The following CERS3 variants were observed in gnomAD, a reference collection of about 807,000 sequenced individuals.
CERS3 encodes LAG1 homolog, ceramide synthase 3.
A neutral mutation model predicts 50.3 loss-of-function variants in CERS3; 33 were observed. The ratio of observed to expected loss-of-function variants is 0.66; its 90% CI spans 0.50 to 0.88. The LOEUF (loss-of-function observed/expected upper bound fraction) is 0.88, where lower values mean the gene tolerates loss of function less well. Ranked by LOEUF, CERS3 falls within the 40% of genes least tolerant of loss-of-function variation. The pLI is 0.00. For missense variants in CERS3, 470 were observed against 460.3 expected (o/e 1.02, Z -0.19); for synonymous variants, 176 against 155.2 (o/e 1.13, Z -0.99).
At chr15:100,515,599 C>T (rs1176133209) in intron 2 of CERS3, among the ~76,000 whole-genome samples, 2 of 151,942 alleles carry the variant, frequency 1.3e-5, no homozygotes, top group South Asian at 4.1e-4. Context: ...ACAGGTATGA[C>T]TGAAGTCAGA....
At chr15:100,542,279 T>A (rs1170373917) in intron 1 of CERS3, among the ~76,000 whole-genome samples, 2 of 152,202 alleles carry the variant, frequency 1.3e-5, no homozygotes, top group Admixed American at 1.3e-4. Flanking sequence ...AAAAGAAAAC[T>A]CTTGGACTGT....
intron 11 of CERS3, among the ~76,000 whole-genome samples, chr15:100,443,879 A>T (rs2033815993): frequency 6.6e-6 from 1 of 152,156 alleles, no homozygotes; most frequent in Admixed American, 6.5e-5. Flanking sequence ...ATCCTAAAAA[A>T]ACCATTCTAT....
chr15:100,450,814 G>C (rs1034505160), intron 11 of CERS3, among the ~76,000 whole-genome samples: 1 of 152,006 alleles, frequency 6.6e-6, no homozygotes, highest in African/African-American at 2.4e-5. Context: ...ACAGAAATGT[G>C]TCTAGTCACC....
At chr15:100,499,558 A>T (rs967190166) in intron 3 of CERS3, among the ~76,000 whole-genome samples, 4 of 152,216 alleles carry the variant, frequency 2.6e-5, no homozygotes, top group African/African-American at 9.6e-5. Context: ...CTTGGCTAGT[A>T]CTAAAGGACA....
chr15:100,516,115 C>T (rs1026640590), intron 2 of CERS3, among the ~76,000 whole-genome samples: 10 of 152,162 alleles, frequency 6.6e-5, no homozygotes, highest in African/African-American at 1.2e-4. Flanking sequence ...TTAGTGTCTG[C>T]AAAGACCTCC....
intron 11 of CERS3, among the ~76,000 whole-genome samples, chr15:100,427,256 G>A (rs535666845): frequency 1.5e-4 from 23 of 152,272 alleles, no homozygotes; most frequent in Non-Finnish European, 2.9e-4. Context: ...TCCCTGTCTC[G>A]GAGGAGCGAA....
At chr15:100,419,740 C>A (rs1248835589) in intron 11 of CERS3, among the ~76,000 whole-genome samples, 1 of 150,948 alleles carries the variant, frequency 6.6e-6, no homozygotes, top group Non-Finnish European at 1.5e-5. Context: ...ATCTCTCAGA[C>A]CACAGTGCAA....
chr15:100,413,174 C>T (rs1567592401), intron 11 of CERS3, among the ~76,000 whole-genome samples: 1 of 152,114 alleles, frequency 6.6e-6, no homozygotes. Context: ...CTCCAAATTG[C>T]CATATTTTAC....
chr15:100,475,335 T>C (rs1203868805), intron 8 of CERS3, among the ~76,000 whole-genome samples: 1 of 152,230 alleles, frequency 6.6e-6, no homozygotes, highest in Non-Finnish European at 1.5e-5. Flanking sequence ...CAAGCTAAAC[T>C]GGTTTATCTA....
chr15:100,444,182 C>T (rs558501057), intron 11 of CERS3, among the ~76,000 whole-genome samples: 1 of 152,292 alleles, frequency 6.6e-6, no homozygotes, highest in Admixed American at 6.5e-5. Flanking sequence ...CTTTTAGAAG[C>T]CCTTAAAATC....
chr15:100,518,130 C>T (rs568384673), intron 2 of CERS3, among the ~76,000 whole-genome samples: 1 of 152,188 alleles, frequency 6.6e-6, no homozygotes, highest in Non-Finnish European at 1.5e-5. Context: ...AAAGGCTAGT[C>T]TTTTCTGTCT....
At chr15:100,411,352 G>C (rs1397849770) in intron 11 of CERS3, among the ~76,000 whole-genome samples, 2 of 151,996 alleles carry the variant, frequency 1.3e-5, no homozygotes, top group Non-Finnish European at 2.9e-5. Flanking sequence ...AGTAGAGACG[G>C]GGTTTCACCA....
rs552953211 is a variant in CERS3, at chr15:100,440,866, T to C, written c.999+15027A>G. ...AATTTCTCCCTTCTCTTAATTTCAA[T>C]TCCTTTCATTTTCTGGTAGAGACAA... On this transcript the variant is annotated intron_variant, in intron 11 of 11. Transcript: ENST00000679737. 2.6e-5 allele frequency among the ~76,000 whole-genome samples: 4 copies of C among 152,346 alleles called. No individual in the cohort carries two copies. The East Asian group carries it at 5.8e-4, about 22-fold the overall frequency.
At position 100,501,732 on chromosome 15, in the gene CERS3, A is replaced by G. The variant is rs2142329812; in HGVS notation, c.118T>C (p.Tyr40His). ...AGAAAAGCATATGGAATTGTCACGTATAAATGAGAAGGTTTTACAAAGACG... is the reference window on the plus strand; with the variant it reads ...AGAAAAGCATATGGAATTGTCACGTGTAAATGAGAAGGTTTTACAAAGACG... ...GLVFVKPSHLYVTIPYAFLLL... is the reference protein window; with the variant it reads ...GLVFVKPSHLHVTIPYAFLLL... The change falls in exon 3 of 12, where the codon TAC becomes CAC. Residue 40 changes from tyrosine to histidine, a missense_variant. Tyr to His is a moderately conservative substitution (Grantham distance 83, BLOSUM62 2). Transcript: ENST00000679737. The G allele has an allele frequency of 2.5e-6, 4 of 1,614,080 alleles. No individual in the cohort carries two copies. Among genetic ancestry groups the G allele is most frequent in the East Asian group, 2.2e-5 (1 of 44,874 alleles).
chr15:100,443,341 T>C lies in CERS3; in HGVS notation c.999+12552A>G, dbSNP rs896794641. ...CTGTTATCACTCTCCTGCTACAGCA[T>C]GGCCTTTTAAAGCCTATAAACTCTC... On this transcript the variant is annotated intron_variant, in intron 11 of 11. Transcript: ENST00000679737. Among the ~76,000 whole-genome samples the C allele has an allele frequency of 6.6e-5, 10 of 151,040 alleles. No homozygotes were observed. The South Asian group carries it at 1.3e-3, about 19-fold the overall frequency.
Position 100,455,912 on chromosome 15 carries a change from T to C in CERS3, c.980A>G (p.Asn327Ser). The C allele has an allele frequency of 6.2e-7, 1 of 1,611,494 alleles. No individual in the cohort carries two copies. Among genetic ancestry groups the C allele is most frequent in the Non-Finnish European group, 8.5e-7 (1 of 1,178,722 alleles). The change falls in exon 11 of 12, where the codon AAC becomes AGC. Residue 327 changes from asparagine (N) to serine (S), a missense_variant. By Grantham distance (46) the Asn-to-Ser change is conservative (BLOSUM62 1). Coordinates refer to ENST00000679737, the MANE Select transcript of CERS3 (RefSeq NM_001378789.1). Reference sequence around the variant, plus strand: ...CCTTACCTTCATGAATATACATCTGTTGAGCATCTTCAAGATGTAATAACC... The same window carrying C: ...CCTTACCTTCATGAATATACATCTGCTGAGCATCTTCAAGATGTAATAACC... ...YWGYYILKML[N>S]RCIFMKSIQD...
chr15:100,533,607 C>T (rs1459031883), upstream of CERS3, among the ~76,000 whole-genome samples: 9 of 132,930 alleles, frequency 6.8e-5, no homozygotes, highest in Admixed American at 7.1e-4. Context: ...ACCCAGGCTG[C>T]AGTGCAGTGG....
rs2036011747 is a variant in CERS3, at chr15:100,501,834, T to C, written c.16A>G (p.Lys6Glu). Residue 6 changes from lysine to glutamate, a missense_variant, in exon 3 of 12, where the codon AAA becomes GAA. Coordinates refer to ENST00000679737, the MANE Select transcript of CERS3 (RefSeq NM_001378789.1). MFWTF[K>E]EWFWLERFWL... ...AATCTTTCCAACCAGAACCATTCTT[T>C]AAACGTCCAAAACATTCTAGAGAAA... 1.9e-6 allele frequency: 3 copies of C among 1,613,860 alleles called. No individual in the cohort carries two copies. The highest frequency in any genetic ancestry group is 2.5e-6 in the Non-Finnish European group (3 of 1,179,946).
chr15:100,500,648 G>T (rs1567665310), intron 3 of CERS3: 1 of 152,206 alleles, frequency 6.6e-6, no homozygotes, highest in East Asian at 1.9e-4. Context: ...GTAAAAAGTA[G>T]AATTAACTGT....
Sources: gnomAD v4.1 joint callset for allele counts (sites outside exome capture counted in the v4.1 genomes callset) on GRCh38, gnomAD v4.1.1 for gene constraint, MANE v1.5 for transcripts, NCBI Gene and HGNC (gene_info 2026-07-23, HGNC 2026-07-21) for gene names.